Variants in GPC6 observed in about 807,000 individuals in gnomAD.
The protein encoded by GPC6 is glypican-6.
GPC6 carries 14 observed loss-of-function variants against 55.2 expected under a neutral mutation model. The ratio of observed to expected loss-of-function variants is 0.25; its 90% confidence interval spans 0.17 to 0.40. The LOEUF (loss-of-function observed/expected upper bound fraction) is 0.40. GPC6 is among the 10% of genes least tolerant of loss of function. GPC6 has a pLI of 1.00. For missense variants in GPC6, 641 were observed against 708.5 expected (o/e 0.90, Z 1.08); for synonymous variants, 278 against 259.6 (o/e 1.07, Z -0.68).
At chr13:93,820,500 C>T (rs1398737379) in intron 2 of GPC6, among the ~76,000 whole-genome samples, 1 of 151,270 alleles carries the variant, frequency 6.6e-6, no homozygotes, top group Non-Finnish European at 1.5e-5. Flanking sequence ...GAAAATAATT[C>T]TCCTTGTTTT....
At chr13:93,593,300 T>TA (rs984947228) in intron 2 of GPC6, among the ~76,000 whole-genome samples, 4 of 152,186 alleles carry the variant, frequency 2.6e-5, no homozygotes, top group Non-Finnish European at 4.4e-5. Flanking sequence ...CAAATAAGTT[T>TA]AAAAAATGCA....
chr13:93,676,166 T>C lies in GPC6; in HGVS notation c.319+130745T>C, dbSNP rs866720355. ...ATATATATATATATATATATATATA[T>C]ATACATACACACACACACACACACA... is the stretch of plus-strand genomic sequence containing the variant. On this transcript the variant is annotated intron_variant, in intron 2 of 8. Coordinates refer to ENST00000377047, the MANE Select transcript of GPC6 (RefSeq NM_005708.5). Among the ~76,000 whole-genome samples the C allele has an allele frequency of 9.7e-3, 346 of 35,558 alleles. 9 individuals carry two copies. Among genetic ancestry groups the C allele is most frequent in the African/African-American group, 0.027 (302 of 11,172 alleles). The allele number at this position is 35,558 out of a possible 152,430, so 23.3% of individuals were successfully genotyped here.
intron 2 of GPC6, among the ~76,000 whole-genome samples, chr13:93,695,969 T>G (rs1882438340): frequency 6.6e-6 from 1 of 152,092 alleles, no homozygotes; most frequent in South Asian, 2.1e-4. Context: ...AAGAAGAAAA[T>G]AATTCCAGAA....
At chr13:93,424,988 G>T (rs1393111852) in intron 1 of GPC6, among the ~76,000 whole-genome samples, 1 of 152,136 alleles carries the variant, frequency 6.6e-6, no homozygotes, top group African/African-American at 2.4e-5. Flanking sequence ...CAGACCACCT[G>T]ATCCTAGTGA....
At chr13:93,295,144 A>G (rs1401115442) in intron 1 of GPC6, among the ~76,000 whole-genome samples, 2 of 148,156 alleles carry the variant, frequency 1.3e-5, no homozygotes, top group East Asian at 3.9e-4. Context: ...TACAAATACT[A>G]GCTGGGCATT....
At chr13:94,353,023 G>A (rs1383860655) in intron 6 of GPC6, among the ~76,000 whole-genome samples, 1 of 152,108 alleles carries the variant, frequency 6.6e-6, no homozygotes, top group Non-Finnish European at 1.5e-5. Flanking sequence ...ATGCAGAGGT[G>A]GTCTCTGCAG....
intron 1 of GPC6, among the ~76,000 whole-genome samples, chr13:93,364,729 GTA>G: frequency 6.7e-6 from 1 of 150,086 alleles, no homozygotes; most frequent in African/African-American, 2.5e-5. Context: ...ACACATATAT[GTA>G]TATATATATG....
intron 1 of GPC6, among the ~76,000 whole-genome samples, chr13:93,309,246 T>G (rs1204088995): frequency 1.3e-5 from 2 of 152,032 alleles, no homozygotes; most frequent in Non-Finnish European, 2.9e-5. Context: ...ACTTTTTAAG[T>G]ATAAAAGTCA....
At chr13:94,256,150 C>T (rs1406725506) in intron 4 of GPC6, among the ~76,000 whole-genome samples, 1 of 152,128 alleles carries the variant, frequency 6.6e-6, no homozygotes, top group African/African-American at 2.4e-5. Flanking sequence ...GATTTTGGAT[C>T]TCAGACATAA....
intron 1 of GPC6, among the ~76,000 whole-genome samples, chr13:93,418,650 T>C (rs1401606633): frequency 6.6e-6 from 1 of 151,506 alleles, no homozygotes; most frequent in Non-Finnish European, 1.5e-5. Flanking sequence ...AGTATCATTT[T>C]ATTAATAGCG....
chr13:93,594,824 G>A (rs1445611610), intron 2 of GPC6, among the ~76,000 whole-genome samples: 2 of 151,210 alleles, frequency 1.3e-5, no homozygotes, highest in Non-Finnish European at 2.9e-5. Context: ...CAAGTTGGAA[G>A]GGGCAAACTA....
intron 4 of GPC6, among the ~76,000 whole-genome samples, chr13:94,110,927 T>C (rs998837602): frequency 6.6e-6 from 1 of 152,162 alleles, no homozygotes; most frequent in Non-Finnish European, 1.5e-5. Flanking sequence ...CAATTTTATT[T>C]GATAGTGCTG....
chr13:93,603,352 C>T (rs1259639789), intron 2 of GPC6, among the ~76,000 whole-genome samples: 1 of 152,160 alleles, frequency 6.6e-6, no homozygotes, highest in Non-Finnish European at 1.5e-5. Flanking sequence ...ATCACTAAAG[C>T]AGAAAACTTT....
intron 1 of GPC6, among the ~76,000 whole-genome samples, chr13:93,502,131 G>A (rs8001786): frequency 0.87 from 131,984 of 152,014 alleles, 57,843 homozygotes; most frequent in Non-Finnish European, 0.92. Context: ...TTCAGTTGTG[G>A]GAAATTGTTA....
At chr13:94,058,434 G>C (rs1167553991) in intron 4 of GPC6, among the ~76,000 whole-genome samples, 1 of 152,102 alleles carries the variant, frequency 6.6e-6, no homozygotes, top group Admixed American at 6.5e-5. Flanking sequence ...TGCTTGAACT[G>C]ACCTAAGCTA....
intron 3 of GPC6, among the ~76,000 whole-genome samples, chr13:93,835,760 A>AAAT (rs1887709396): frequency 6.6e-6 from 1 of 152,124 alleles, no homozygotes; most frequent in Non-Finnish European, 1.5e-5. Context: ...CTAAATAAAT[A>AAAT]AATAAATAAA....
chr13:94,036,233 G>T (rs1594684652), intron 4 of GPC6, among the ~76,000 whole-genome samples: 2 of 151,932 alleles, frequency 1.3e-5, no homozygotes, highest in Non-Finnish European at 2.9e-5. Context: ...ATCCAGGAGA[G>T]AATTTAAATT....
chr13:93,716,759 G>T (rs1016372280), intron 2 of GPC6, among the ~76,000 whole-genome samples: 1 of 151,592 alleles, frequency 6.6e-6, no homozygotes. Flanking sequence ...GTAGTGTACA[G>T]TAATGTCCTA....
chr13:93,900,950 G>C (rs528052970), intron 3 of GPC6, among the ~76,000 whole-genome samples: 1 of 152,290 alleles, frequency 6.6e-6, no homozygotes, highest in East Asian at 1.9e-4. Context: ...ATGAGGCCCA[G>C]CTGTTCTATC....
Sources: gnomAD v4.1 joint callset for allele counts (sites outside exome capture counted in the v4.1 genomes callset) on GRCh38, gnomAD v4.1.1 for gene constraint, MANE v1.5 for transcripts, NCBI Gene and HGNC (gene_info 2026-07-23, HGNC 2026-07-21) for gene names.